The following OPHN1 variants were observed in gnomAD, a reference collection of about 807,000 sequenced individuals.
The protein encoded by OPHN1 is oligophrenin-1.
Under a neutral mutation model 60.7 loss-of-function variants are expected in OPHN1, and 11 were observed. The ratio of observed to expected loss-of-function variants is 0.18; its 90% CI spans 0.11 to 0.30. The LOEUF is 0.30. OPHN1 is among the 10% of genes least tolerant of loss of function. OPHN1 has a pLI of 1.00. For synonymous variants in OPHN1, 226 were observed against 222.6 expected (o/e 1.02, Z -0.14); for missense variants, 449 against 611.0 (o/e 0.73, Z 2.80).
chrX:68,188,871 T>C (rs1034759979), intron 15 of OPHN1, among the ~76,000 whole-genome samples: 13 of 112,554 alleles, frequency 1.2e-4, no homozygotes, highest in African/African-American at 4.2e-4. Flanking sequence ...AATGACTGTA[T>C]GCATATTCCT....
intron 15 of OPHN1, among the ~76,000 whole-genome samples, chrX:68,150,201 C>T (rs1307888317): frequency 9.0e-6 from 1 of 111,301 alleles, no homozygotes; most frequent in Non-Finnish European, 1.9e-5. Flanking sequence ...AATGGAGTTT[C>T]CTTTTAGGGT....
intron 2 of OPHN1, 39 bp downstream of exon 2, chrX:68,432,828 C>A: frequency 2.5e-6 from 3 of 1,204,403 alleles, no homozygotes; most frequent in Non-Finnish European, 3.4e-6. Context: ...GCCAGACACA[C>A]CAGCTCAGAG....
intron 3 of OPHN1, among the ~76,000 whole-genome samples, chrX:68,295,789 G>A (rs761649578): frequency 8.9e-6 from 1 of 112,168 alleles, no homozygotes; most frequent in Non-Finnish European, 1.9e-5. Context: ...GCTCTAGGAA[G>A]CACTGTCATT....
intron 15 of OPHN1, among the ~76,000 whole-genome samples, chrX:68,173,655 A>T (rs2077400905): frequency 9.1e-6 from 1 of 110,400 alleles, no homozygotes; most frequent in Non-Finnish European, 1.9e-5. Flanking sequence ...AGACTGCAAG[A>T]CCAAATTAGA....
chrX:68,211,503 A>C (rs2077584515), intron 8 of OPHN1, among the ~76,000 whole-genome samples: 1 of 112,756 alleles, frequency 8.9e-6, no homozygotes, highest in Admixed American at 9.4e-5. Context: ...TGCCTTTCAC[A>C]TGCCTGGCAC....
rs1259208751 is a variant in OPHN1 at position 68,083,049 on chromosome X, A to G, written c.1687-9750T>C. ...TAAACATCATGAACCAACCTCTGCT[A>G]GTTTCTTTTTTTTTTTTTTTTTTTT... On this transcript the variant is annotated intron_variant, in intron 19 of 24. Coordinates refer to ENST00000355520, the MANE Select transcript of OPHN1 (RefSeq NM_002547.3). Among the ~76,000 whole-genome samples the G allele has an allele frequency of 7.7e-5, 4 of 51,664 alleles. 1 individual carries two copies. The highest frequency in any genetic ancestry group is 2.3e-4 in the African/African-American group (4 of 17,158). The allele number at this position is 51,664 out of a possible 115,157, so 44.9% of individuals were successfully genotyped here.
intron 2 of OPHN1, among the ~76,000 whole-genome samples, chrX:68,307,789 C>T (rs2078153171): frequency 9.0e-6 from 1 of 111,172 alleles, no homozygotes; most frequent in African/African-American, 3.3e-5. Flanking sequence ...CCATTTGCAC[C>T]TAGTTTTTAA....
At chrX:68,233,295 T>A (rs1021884527) in intron 6 of OPHN1, among the ~76,000 whole-genome samples, 12 of 111,961 alleles carry the variant, frequency 1.1e-4, no homozygotes, top group African/African-American at 3.2e-4. Flanking sequence ...ATGAAACCAG[T>A]TATCAGGAGA....
intron 11 of OPHN1, among the ~76,000 whole-genome samples, chrX:68,200,194 G>A (rs146602307): frequency 1.1e-3 from 118 of 111,701 alleles, no homozygotes; most frequent in African/African-American, 3.3e-3. Flanking sequence ...AATGGGGGGG[G>A]TGTAGATTAA....
At chrX:68,236,151 C>T (rs987408551) in intron 5 of OPHN1, among the ~76,000 whole-genome samples, 11 of 111,034 alleles carry the variant, frequency 9.9e-5, no homozygotes, top group African/African-American at 3.3e-4. Flanking sequence ...ATAATCAAGA[C>T]GTCTTAGGAA....
rs946434604 is a variant in OPHN1 at position 68,113,220 on chromosome X, T to C, written c.1381A>G (p.Met461Val). ...AGCTCTTTGTGAAGTCTATAGGTCA[T>C]GACAGGTTCAGAAAGATTCCTGAAA... Reference protein sequence around the residue: ...FYLRNLSEPVMTYRLHKELVS... With the variant: ...FYLRNLSEPVVTYRLHKELVS... The change falls in exon 17 of 25, where the codon ATG becomes GTG. Residue 461 changes from methionine to valine, a missense_variant. Physicochemically the swap from Met to Val is conservative, Grantham distance 21 (BLOSUM62 1). Around this residue, in one of 4 missense-constraint regions of OPHN1, gnomAD observed 166 missense variants for 278.4 expected, o/e 0.60. Transcript: ENST00000355520. 1.9e-5 allele frequency: 23 copies of C among 1,208,585 alleles called. No homozygotes were observed. The highest frequency in any genetic ancestry group is 2.6e-5 in the Non-Finnish European group (23 of 892,721).
chrX:68,142,865 G>A (rs961912284), intron 15 of OPHN1, among the ~76,000 whole-genome samples: 1 of 111,934 alleles, frequency 8.9e-6, no homozygotes, highest in Admixed American at 9.5e-5. Flanking sequence ...AAAAAACTTG[G>A]ATGAGAGTTA....
chrX:68,100,739 TTTTATTTA>T (rs1050721880), intron 18 of OPHN1, among the ~76,000 whole-genome samples: 131 of 109,830 alleles, frequency 1.2e-3, no homozygotes, highest in African/African-American at 4.0e-3. Flanking sequence ...TATTTTTTAT[TTTTATTTA>T]TTTATTTATT....
chrX:68,300,154 CT>C (rs767082288), intron 2 of OPHN1, among the ~76,000 whole-genome samples: 59 of 111,807 alleles, frequency 5.3e-4, no homozygotes, highest in African/African-American at 1.8e-3. Context: ...TTTCTTCTTT[CT>C]CTCCCTAGTT....
chrX:68,223,929 C>G (rs1323460243), intron 6 of OPHN1, among the ~76,000 whole-genome samples: 1 of 110,992 alleles, frequency 9.0e-6, no homozygotes, highest in Non-Finnish European at 1.9e-5. Context: ...TGTGAATGTG[C>G]CTAACAACAC....
intron 5 of OPHN1, among the ~76,000 whole-genome samples, chrX:68,268,273 C>G (rs1027522407): frequency 7.2e-5 from 8 of 111,389 alleles, no homozygotes; most frequent in African/African-American, 2.6e-4. Context: ...CAAAGCCAGG[C>G]AGAGACACAA....
chrX:68,090,958 A>G (rs5919518), intron 19 of OPHN1, among the ~76,000 whole-genome samples: 26,076 of 110,916 alleles, frequency 0.24, 2,461 homozygotes, highest in Middle Eastern at 0.31. Context: ...ATGATTAAAA[A>G]GCAGATGCCC....
intron 5 of OPHN1, among the ~76,000 whole-genome samples, chrX:68,238,406 G>A (rs1274584435): frequency 9.4e-6 from 1 of 105,954 alleles, no homozygotes; most frequent in East Asian, 3.0e-4. Flanking sequence ...CCCTTCTTTT[G>A]TCTTTTTTTT....
intron 15 of OPHN1, among the ~76,000 whole-genome samples, chrX:68,153,827 G>C (rs1459647984): frequency 3.6e-5 from 4 of 111,677 alleles, no homozygotes; most frequent in Non-Finnish European, 7.5e-5. Flanking sequence ...GTAAATTTAT[G>C]AACCTGAGAC....
Sources: allele counts gnomAD v4.1 joint callset (sites outside exome capture counted in the v4.1 genomes callset), GRCh38; gene constraint gnomAD v4.1.1; regional missense constraint gnomAD v4.1.1; transcripts MANE v1.5; gene names NCBI Gene and HGNC (gene_info 2026-07-23, HGNC 2026-07-21).